The following DST variants were observed in gnomAD, a reference collection of about 807,000 sequenced individuals.
DST encodes the protein bullous pemphigoid antigen.
In DST, 253 loss-of-function variants were observed where a neutral mutation model predicts 875.2. The observed-to-expected ratio is 0.29, with a 90% CI of 0.26 to 0.32. DST has a LOEUF of 0.32. DST is among the 10% of genes least tolerant of loss of function. The probability of loss-of-function intolerance (pLI) is 1.00; values close to 1 mark genes in which losing one functional copy is unlikely to be tolerated. For missense variants in DST, 8,287 were observed against 9,111.6 expected (o/e 0.91, Z 3.68); for synonymous variants, 3,124 against 3,197.1 (o/e 0.98, Z 0.77).
chr6:56,579,217 C>A (rs1200454806), intron 49 of DST, among the ~76,000 whole-genome samples: 1 of 152,142 alleles, frequency 6.6e-6, no homozygotes, highest in Non-Finnish European at 1.5e-5. Context: ...GATCATACAA[C>A]CCTCTAACTT....
intron 3 of DST, among the ~76,000 whole-genome samples, chr6:56,855,013 C>T (rs867830981): frequency 6.6e-6 from 1 of 152,100 alleles, no homozygotes; most frequent in Non-Finnish European, 1.5e-5. Flanking sequence ...AACAAGGGGG[C>T]AGAGTAATTA....
chr6:56,526,228 C>G, intron 69 of DST, 133 bp downstream of exon 69: 1 of 1,008,644 alleles, frequency 9.9e-7, no homozygotes, highest in South Asian at 1.7e-5. Flanking sequence ...AACTTCTTTT[C>G]AAATCCACTC....
intron 4 of DST, among the ~76,000 whole-genome samples, chr6:56,793,822 C>A (rs2099735232): frequency 6.6e-6 from 1 of 152,038 alleles, no homozygotes; most frequent in Non-Finnish European, 1.5e-5. Context: ...TGAAACATTA[C>A]ATTATAGAGT....
chr6:56,557,999 C>T (rs527785745), intron 58 of DST, among the ~76,000 whole-genome samples: 1 of 152,192 alleles, frequency 6.6e-6, no homozygotes, highest in African/African-American at 2.4e-5. Context: ...GGAAGTCTCA[C>T]CAATTAAACT....
intron 49 of DST, 40 bp downstream of exon 49, chr6:56,592,142 T>C: frequency 6.3e-7 from 1 of 1,581,088 alleles, no homozygotes; most frequent in Non-Finnish European, 8.6e-7. Flanking sequence ...AGCCTTTCAG[T>C]AAGACTACTG....
chr6:56,501,247 G>A lies in DST; in HGVS notation c.19741-12C>T. On this transcript the variant is annotated splice_polypyrimidine_tract_variant and intron_variant, in intron 79 of 103. Coordinates refer to ENST00000680361, the MANE Select transcript of DST (RefSeq NM_001374736.1). Reference sequence around the variant, plus strand: ...CCCTCCAGTTTATGCTACAGAAAAAGTGGAAAGAAAATCCATTTATAAATT... The same window carrying A: ...CCCTCCAGTTTATGCTACAGAAAAAATGGAAAGAAAATCCATTTATAAATT... The A allele has an allele frequency of 6.4e-7, 1 of 1,568,814 alleles. No individual in the cohort carries two copies. Among genetic ancestry groups the A allele is most frequent in the South Asian group, 1.2e-5 (1 of 82,508 alleles).
chr6:56,672,512 C>A (rs2099107027), intron 9 of DST, among the ~76,000 whole-genome samples: 1 of 151,828 alleles, frequency 6.6e-6, no homozygotes, highest in Non-Finnish European at 1.5e-5. Flanking sequence ...TGACAAAAAA[C>A]AGCATAAAAT....
intron 10 of DST, among the ~76,000 whole-genome samples, chr6:56,655,029 C>T (rs1405971193): frequency 1.3e-5 from 2 of 151,798 alleles, no homozygotes; most frequent in South Asian, 2.1e-4. Flanking sequence ...GGCATGGTGT[C>T]GGGTGCCTGT....
intron 62 of DST, 134 bp downstream of exon 62, chr6:56,536,645 C>A: frequency 2.3e-6 from 2 of 888,144 alleles, no homozygotes; most frequent in Non-Finnish European, 3.2e-6. Flanking sequence ...GAGTTTGAGC[C>A]ATCCAGTTTA....
chr6:56,782,935 G>A (rs1177742679), intron 4 of DST, among the ~76,000 whole-genome samples: 9 of 152,170 alleles, frequency 5.9e-5, no homozygotes, highest in Admixed American at 2.0e-4. Context: ...CTTTGTTCTC[G>A]TTGGTTTCAA....
In DST at chr6:56,681,094, C is replaced by T. The variant is rs6927032; in HGVS notation, c.1048-10287G>A. 3.0e-3 allele frequency among the ~76,000 whole-genome samples: 462 copies of T among 152,258 alleles called. 3 individuals are homozygous for T. The highest frequency in any genetic ancestry group is 0.011 in the African/African-American group (440 of 41,542). On this transcript the variant is annotated intron_variant, in intron 9 of 103. Transcript: ENST00000680361. ...ACAAAGCTGATACTCTTAACCACTGCGCTATATCTCACAGCCCCTTCAAAC... is the reference window on the plus strand; with the variant it reads ...ACAAAGCTGATACTCTTAACCACTGTGCTATATCTCACAGCCCCTTCAAAC...
chr6:56,605,954 T>C lies in DST; in HGVS notation c.8674A>G (p.Lys2892Glu), dbSNP rs560407441. ...GTTGTATATTCTGGAAGGTTGCTTTTTTCAGTAACTAAGTTATTTTCACTA... is the reference window on the plus strand; with the variant it reads ...GTTGTATATTCTGGAAGGTTGCTTTCTTCAGTAACTAAGTTATTTTCACTA... Reference protein sequence around the residue: ...SPSENNLVTEKSNLPEYTTEI... With the variant: ...SPSENNLVTEESNLPEYTTEI... The change falls in exon 40 of 104, where the codon AAA becomes GAA. Residue 2892 changes from lysine to glutamate, a missense_variant. Lys to Glu is a moderately conservative substitution (Grantham distance 56, BLOSUM62 1). Transcript: ENST00000680361. The C allele has an allele frequency of 3.8e-5, 61 of 1,612,798 alleles. No individual in the cohort carries two copies. The South Asian group carries it at 6.4e-4, about 17-fold the overall frequency.
intron 10 of DST, among the ~76,000 whole-genome samples, chr6:56,660,222 G>A (rs1489800640): frequency 6.6e-6 from 1 of 152,156 alleles, no homozygotes. Flanking sequence ...TTCCTGTGTG[G>A]GGACATGCAC....
intron 9 of DST, among the ~76,000 whole-genome samples, chr6:56,694,425 T>C (rs1445533666): frequency 6.6e-6 from 1 of 152,180 alleles, no homozygotes; most frequent in African/African-American, 2.4e-5. Flanking sequence ...GATCCTGCAT[T>C]GTAAAATTTT....
At chr6:56,929,161 GATC>G (rs1183565367) in intron 2 of DST, among the ~76,000 whole-genome samples, 1 of 152,034 alleles carries the variant, frequency 6.6e-6, no homozygotes, top group Admixed American at 6.6e-5. Flanking sequence ...ATGGCCATGT[GATC>G]ATATTTACCA....
intron 35 of DST, 49 bp downstream of exon 35, chr6:56,625,108 T>C (rs1268211246): frequency 1.6e-6 from 2 of 1,236,492 alleles, no homozygotes; most frequent in Non-Finnish European, 2.4e-6. Context: ...AAAAAGTAAG[T>C]GTTCTTTCTT....
intron 4 of DST, among the ~76,000 whole-genome samples, chr6:56,811,964 T>C (rs1400492137): frequency 6.6e-6 from 1 of 150,818 alleles, no homozygotes; most frequent in African/African-American, 2.4e-5. Context: ...TAGCCAGGCG[T>C]AGTGGAGCAC....
At chr6:56,798,290 G>A (rs1590669925) in intron 4 of DST, among the ~76,000 whole-genome samples, 1 of 152,146 alleles carries the variant, frequency 6.6e-6, no homozygotes, top group African/African-American at 2.4e-5. Flanking sequence ...TCAAAAATCA[G>A]GATGACTCAC....
In DST at chr6:56,606,550, A is replaced by G. The variant is rs1250795203; in HGVS notation, c.8078T>C (p.Met2693Thr). ...NKAHCLQDFL[M>T]DVEKDELDSG... ...ATCTAATTCATCTTTCTCAACATCC[A>G]TAAGGAAATCCTGAAGACAATGTGC... Residue 2693 changes from methionine to threonine, a missense_variant, in exon 40 of 104, where the codon ATG (methionine) becomes ACG (threonine). Around this residue, in one of 10 missense-constraint regions of DST, gnomAD observed 3,138 missense variants for 3,116.6 expected, o/e 1.01. Transcript: ENST00000680361. 1.9e-6 allele frequency: 3 copies of G among 1,613,398 alleles called. No individual in the cohort carries two copies. The highest frequency in any genetic ancestry group is 2.2e-5 in the East Asian group (1 of 44,866).
Sources: gnomAD v4.1 joint callset for allele counts (sites outside exome capture counted in the v4.1 genomes callset) on GRCh38, gnomAD v4.1.1 for gene constraint, gnomAD v4.1.1 regional missense constraint, MANE v1.5 for transcripts, NCBI Gene and HGNC (gene_info 2026-07-23, HGNC 2026-07-21) for gene names.